Variants in LGALS3BP observed in about 807,000 individuals in gnomAD.
LGALS3BP encodes galectin 3 binding protein, also known as galectin-3-binding protein.
Under a neutral mutation model 22.9 loss-of-function variants are expected in LGALS3BP, and 25 were observed. That is an observed-to-expected ratio of 1.09 (90% CI 0.80 to 1.53). The LOEUF (loss-of-function observed/expected upper bound fraction) is 1.53, where lower values mean the gene tolerates loss of function less well. Ranked by LOEUF, LGALS3BP falls within the 40% of genes most tolerant of loss-of-function variation. LGALS3BP has a pLI of 0.00. For synonymous variants in LGALS3BP, 335 were observed against 331.1 expected (o/e 1.01, Z -0.13); for missense variants, 718 against 752.0 (o/e 0.95, Z 0.53).
rs892585177 is a variant in LGALS3BP, at chr17:78,976,824, G to A, written c.52+316C>T. ...CCAGGACCCTCTGGAAGACTGACCTGCGTCCAAGGCCACTGACCTCACAAC... is the reference window on the plus strand; with the variant it reads ...CCAGGACCCTCTGGAAGACTGACCTACGTCCAAGGCCACTGACCTCACAAC... On this transcript the variant is annotated intron_variant, in intron 2 of 5. Transcript: ENST00000262776. The surrounding 1 kb of genome is among the most constrained non-coding windows in gnomAD (Gnocchi z 4.6). The A allele has an allele frequency of 5.3e-6, 2 of 376,716 alleles. No homozygotes were observed. Among genetic ancestry groups the A allele is most frequent in the African/African-American group, 4.3e-5 (2 of 46,818 alleles). The allele number at this position is 376,716 out of a possible 1,614,324, so 23.3% of individuals were successfully genotyped here.
rs201408315 is a variant in LGALS3BP, at chr17:78,976,100, C to T, written c.109G>A (p.Val37Met). 1.4e-5 allele frequency: 22 copies of T among 1,604,818 alleles called. No individual in the cohort carries two copies. The African/African-American group carries it at 1.9e-4, about 14-fold the overall frequency. Reference protein sequence around the residue: ...ADGGATNQGRVEIFYRGQWGT... With the variant: ...ADGGATNQGRMEIFYRGQWGT... ...CACTGGCCTCTGTAGAAGATCTCCA[C>T]GCGGCCCTGGTTGGTGGCGCCCCCA... is the stretch of plus-strand genomic sequence containing the variant. Residue 37 changes from valine to methionine, a missense_variant, in exon 3 of 6, where the codon GTG becomes ATG. Val to Met is a conservative substitution (Grantham distance 21). Coordinates refer to ENST00000262776, the MANE Select transcript of LGALS3BP (RefSeq NM_005567.4). The surrounding 1 kb of genome is among the most constrained non-coding windows in gnomAD (Gnocchi z 4.6).
In LGALS3BP at chr17:78,972,881, C is replaced by G; in HGVS notation, c.629+89G>C. On this transcript the variant is annotated intron_variant, in intron 5 of 5. Transcript: ENST00000262776. The surrounding 1 kb of genome is among the most constrained non-coding windows in gnomAD (Gnocchi z 5.1). ...GTACATGTGCATGCATGAGTATGTGCAGGTGTGTGTGTGGGGGGCTGTGCT... is the reference window on the plus strand; with the variant it reads ...GTACATGTGCATGCATGAGTATGTGGAGGTGTGTGTGTGGGGGGCTGTGCT... 1 of 1,496,468 alleles carries G rather than the reference C, an allele frequency of 6.7e-7. No homozygotes were observed. Among genetic ancestry groups the G allele is most frequent in the Non-Finnish European group, 9.0e-7 (1 of 1,108,538 alleles). 92.7% of individuals were successfully genotyped at this position (1,496,468 alleles called of 1,614,324 possible).
chr17:78,971,546 C>G lies in LGALS3BP; in HGVS notation c.*30G>C. Reference sequence around the variant, plus strand: ...TGCAGTGAGGGCGTCCTGGGGTTCTCCGGTTCTCACCACCCTTGGGCCACG... The same window carrying G: ...TGCAGTGAGGGCGTCCTGGGGTTCTGCGGTTCTCACCACCCTTGGGCCACG... On this transcript the variant is annotated 3_prime_UTR_variant, in exon 6 of 6. Transcript: ENST00000262776. This position sits in a 1 kb window ranked among gnomAD's most constrained non-coding sequence, Gnocchi z 5.6. 6.3e-7 allele frequency: 1 copy of G among 1,591,316 alleles called. No individual in the cohort carries two copies. The highest frequency in any genetic ancestry group is 8.6e-7 in the Non-Finnish European group (1 of 1,166,902).
intron 4 of LGALS3BP, among the ~76,000 whole-genome samples, chr17:78,974,056 C>T (rs2070698173): frequency 1.3e-5 from 2 of 152,280 alleles, no homozygotes; most frequent in South Asian, 2.1e-4. Context: ...GCTCCAGCCA[C>T]TTGTCCATCC....
In LGALS3BP at chr17:78,976,130, C is replaced by A; in HGVS notation, c.79G>T (p.Ala27Ser). The change falls in exon 3 of 6, where the codon GCC becomes TCC. Residue 27 changes from alanine (A) to serine (S), a missense_variant. By Grantham distance (99) the Ala-to-Ser change is moderately conservative. Transcript: ENST00000262776. The surrounding 1 kb of genome is among the most constrained non-coding windows in gnomAD (Gnocchi z 4.6). ...QGVNDGDMRL[A>S]DGGATNQGRV... ...CCCTGGTTGGTGGCGCCCCCATCGG[C>A]CAGCCGCATGTCACCATCGTTCACG... The A allele has an allele frequency of 6.3e-7, 1 of 1,590,220 alleles. No homozygotes were observed. The highest frequency in any genetic ancestry group is 8.6e-7 in the Non-Finnish European group (1 of 1,169,136).
chr17:78,972,955 G>A lies in LGALS3BP; in HGVS notation c.629+15C>T, dbSNP rs1344063400. ...GCCCCTGGCGGCCCCAGAGCCTGAG[G>A]ACGAGACGGCTCACCTGAGAAGGTC... On this transcript the variant is annotated intron_variant, in intron 5 of 5. Transcript: ENST00000262776. The surrounding 1 kb of genome is among the most constrained non-coding windows in gnomAD (Gnocchi z 5.1). 1 of 1,593,050 alleles carries A rather than the reference G, an allele frequency of 6.3e-7. No individual in the cohort carries two copies. Among genetic ancestry groups the A allele is most frequent in the Admixed American group, 1.7e-5 (1 of 58,978 alleles).
Position 78,973,487 on chromosome 17 carries a change from T to A in LGALS3BP, c.377-265A>T. On this transcript the variant is annotated intron_variant, in intron 4 of 5. Coordinates refer to ENST00000262776, the MANE Select transcript of LGALS3BP (RefSeq NM_005567.4). The surrounding 1 kb of genome is among the most constrained non-coding windows in gnomAD (Gnocchi z 5.8). ...CCGCTTTAGGCCCTCTGCTCTGTGC[T>A]GCTCCCCCGACTCAGGCAGCAGCTC... 2.3e-6 allele frequency: 1 copy of A among 426,218 alleles called. No homozygotes were observed. The highest frequency in any genetic ancestry group is 4.2e-6 in the Non-Finnish European group (1 of 237,894). The allele number at this position is 426,218 out of a possible 1,614,324, so 26.4% of individuals were successfully genotyped here.
In LGALS3BP at chr17:78,976,395, C is replaced by T. The variant is rs2070721479; in HGVS notation, c.53-239G>A. On this transcript the variant is annotated intron_variant, in intron 2 of 5. Transcript: ENST00000262776. The surrounding 1 kb of genome is among the most constrained non-coding windows in gnomAD (Gnocchi z 4.6). The stretch of plus-strand genomic sequence containing the variant: ...CCTTGTTTTAGGGGTCTCAGCCCTT[C>T]ACTCCATAGACAGAACAGGGGCAGA... Among the ~76,000 whole-genome samples the T allele has an allele frequency of 6.6e-6, 1 of 152,214 alleles. No individual in the cohort carries two copies. The highest frequency in any genetic ancestry group is 2.4e-5 in the African/African-American group (1 of 41,454).
intron 3 of LGALS3BP, 113 bp from the exon 4 acceptor site, chr17:78,974,932 A>G (rs2070707499): frequency 2.9e-6 from 4 of 1,377,126 alleles, no homozygotes; most frequent in Non-Finnish European, 3.9e-6. Flanking sequence ...ATCTGCTTAC[A>G]GGTCCTTCAC....
At chr17:78,977,291 A>C in intron 1 of LGALS3BP, 77 bp from the exon 2 acceptor site, 1 of 1,219,062 alleles carries the variant, frequency 8.2e-7, no homozygotes, top group Non-Finnish European at 1.2e-6. Context: ...CTGCCCATTC[A>C]CCCTTCAGCC....
chr17:78,978,089 C>G (rs748422416), intron 1 of LGALS3BP, among the ~76,000 whole-genome samples: 6 of 152,228 alleles, frequency 3.9e-5, no homozygotes, highest in Non-Finnish European at 7.3e-5. Flanking sequence ...CTGACACTGT[C>G]CCCTCAGTTC....
intron 4 of LGALS3BP, among the ~76,000 whole-genome samples, chr17:78,974,291 G>A (rs563447050): frequency 6.6e-6 from 1 of 152,384 alleles, no homozygotes; most frequent in South Asian, 2.1e-4. Context: ...GCAGGCTGAG[G>A]CTGCGAGTAG....
Position 78,971,865 on chromosome 17 carries a change from C to T in LGALS3BP, c.1469G>A (p.Trp490Ter). 6.2e-7 allele frequency: 1 copy of T among 1,614,182 alleles called. No homozygotes were observed. Among genetic ancestry groups the T allele is most frequent in the African/African-American group, 1.3e-5 (1 of 75,048 alleles). Residue 490 changes from tryptophan to a stop codon, truncating the protein, a stop_gained, in exon 6 of 6, where the codon TGG becomes TAG. Transcript: ENST00000262776. LOFTEE classifies it low-confidence loss of function (END_TRUNC). The surrounding 1 kb of genome is among the most constrained non-coding windows in gnomAD (Gnocchi z 5.6). ...LVYLPTIQSC[W>*]NYGFSCSSDE... ...CGAGGAGCAGGAGAAGCCGTAGTTC[C>T]AGCAGCTCTGGATGGTGGGGAGGTA...
At chr17:78,975,809 A>G (rs1212387886) in intron 3 of LGALS3BP, 156 bp downstream of exon 3, 1 of 522,514 alleles carries the variant, frequency 1.9e-6, no homozygotes, top group Non-Finnish European at 3.3e-6. Flanking sequence ...AAAAAAAAAA[A>G]AAAAAAAAAA....
rs527247509 is a variant in LGALS3BP at position 78,972,914 on chromosome 17, A to T, written c.629+56T>A. 2,477 of 1,553,138 alleles carry T rather than the reference A, an allele frequency of 1.6e-3. 9 individuals carry two copies. The highest frequency in any genetic ancestry group is 3.3e-3 in the South Asian group (271 of 82,672). ...TGTGTGGGGGGCTGTGCTTTTGAAG[A>T]GGGGAGGAGGACAAAGCCCCTGGCG... On this transcript the variant is annotated intron_variant, in intron 5 of 5. Coordinates refer to ENST00000262776, the MANE Select transcript of LGALS3BP (RefSeq NM_005567.4). The surrounding 1 kb of genome is among the most constrained non-coding windows in gnomAD (Gnocchi z 5.1).
intron 1 of LGALS3BP, among the ~76,000 whole-genome samples, chr17:78,978,739 C>T (rs181301310): frequency 2.3e-4 from 35 of 152,288 alleles, no homozygotes; most frequent in African/African-American, 6.0e-4. Context: ...TAGGTTTGTC[C>T]GTCCTGGGAG....
chr17:78,974,881 G>A (rs988787036), intron 3 of LGALS3BP, 62 bp from the exon 4 acceptor site: 43 of 1,590,504 alleles, frequency 2.7e-5, no homozygotes, highest in African/African-American at 1.1e-4. Flanking sequence ...GTCCCACAGC[G>A]CGACTCAGCC....
rs958273564 is a variant in LGALS3BP at position 78,971,313 on chromosome 17, G to A, written c.*263C>T. On this transcript the variant is annotated 3_prime_UTR_variant, in exon 6 of 6. Coordinates refer to ENST00000262776, the MANE Select transcript of LGALS3BP (RefSeq NM_005567.4). This position sits in a 1 kb window ranked among gnomAD's most constrained non-coding sequence, Gnocchi z 5.6. ...CCAGTGACAAGGGCAGACTGACCAG[G>A]GGCTGTGGGGGGATCCCAGAGCAAC... is the stretch of plus-strand genomic sequence containing the variant. 7 of 529,972 alleles carry A rather than the reference G, an allele frequency of 1.3e-5. No individual in the cohort carries two copies. Among genetic ancestry groups the A allele is most frequent in the Non-Finnish European group, 2.0e-5 (6 of 296,718 alleles). The allele number at this position is 529,972 out of a possible 1,614,324, so 32.8% of individuals were successfully genotyped here. A position where few individuals can be genotyped will look rare whatever the true frequency, so the allele number is the denominator to read the frequency against.
In LGALS3BP at chr17:78,976,177, G is replaced by T; in HGVS notation, c.53-21C>A. 4 of 1,536,192 alleles carry T rather than the reference G, an allele frequency of 2.6e-6. No individual in the cohort carries two copies. In the Middle Eastern group the frequency reaches 5.1e-4, roughly 196 times the overall value. ...CACGCCTGCAGGCAGAGACCAGCGA[G>T]GGCGAGGCTGGGGCCTGCAGCACCC... On this transcript the variant is annotated intron_variant, in intron 2 of 5. Coordinates refer to ENST00000262776, the MANE Select transcript of LGALS3BP (RefSeq NM_005567.4). The surrounding 1 kb of genome is among the most constrained non-coding windows in gnomAD (Gnocchi z 4.6).
Sources: gnomAD v4.1 joint callset for allele counts (sites outside exome capture counted in the v4.1 genomes callset) on GRCh38, gnomAD v4.1.1 for gene constraint, Gnocchi (gnomAD v3.1) non-coding constraint, MANE v1.5 for transcripts, NCBI Gene and HGNC (gene_info 2026-07-23, HGNC 2026-07-21) for gene names.